Variants in CD22 observed in about 807,000 individuals in gnomAD.
CD22 encodes the protein B-cell receptor CD22.
CD22 carries 51 observed loss-of-function variants against 94.7 expected under a neutral mutation model. That is an observed-to-expected ratio of 0.54 (90% CI 0.43 to 0.68). CD22 has a LOEUF of 0.68. Among genes scored for constraint, CD22 ranks in the 30% least tolerant of loss-of-function variants. The probability of loss-of-function intolerance (pLI) is 0.00; values close to 1 mark genes in which losing one functional copy is unlikely to be tolerated. For missense variants in CD22, 931 were observed against 1,060.4 expected, an observed-to-expected ratio of 0.88 and a Z score of 1.69; for synonymous variants, 424 against 422.5, an observed-to-expected ratio of 1.00 and a Z score of -0.04.
chr19:35,334,345 C>T (rs753256841), intron 3 of CD22, among the ~76,000 whole-genome samples: 4 of 151,896 alleles, frequency 2.6e-5, no homozygotes, highest in Non-Finnish European at 5.9e-5. Flanking sequence ...TTACCTGCTA[C>T]TGAAATGACC....
Position 35,347,081 on chromosome 19 carries a change from T to C in CD22, c.*384T>C, listed in dbSNP as rs2066919733. Reference sequence around the variant, plus strand: ...ATCATTTTTCCTTCCCTTCTCCATCTCTCTGGCCCTCTACCCCTGATCTGA... The same window carrying C: ...ATCATTTTTCCTTCCCTTCTCCATCCCTCTGGCCCTCTACCCCTGATCTGA... On this transcript the variant is annotated 3_prime_UTR_variant, in exon 14 of 14. Coordinates refer to ENST00000085219, the MANE Select transcript of CD22 (RefSeq NM_001771.4). 2.2e-5 allele frequency: 4 copies of C among 181,378 alleles called. No individual in the cohort carries two copies. Among genetic ancestry groups the C allele is most frequent in the Admixed American group, 5.6e-5 (1 of 17,916 alleles). The allele number at this position is 181,378 out of a possible 1,614,324, so 11.2% of individuals were successfully genotyped here.
Position 35,341,931 on chromosome 19 carries a change from G to T in CD22, c.2001G>T (p.Lys667Asn), listed in dbSNP as rs757010995. ...GCCAGGGGACCAACAGTGTGGGCAA[G>T]GGCCGTTCGCCTCTCAGCACCCTCA... ...YWCQGTNSVG[K>N]GRSPLSTLTV... The change falls in exon 9 of 14, where the codon AAG becomes AAT. Residue 667 changes from lysine to asparagine, a missense_variant. Physicochemically the swap from Lys to Asn is moderately conservative, Grantham distance 94. Transcript: ENST00000085219. The surrounding 1 kb of genome is among the most constrained non-coding windows in gnomAD (Gnocchi z 4.0). 2 of 1,613,788 alleles carry T rather than the reference G, an allele frequency of 1.2e-6. No homozygotes were observed. The highest frequency in any genetic ancestry group is 1.3e-5 in the African/African-American group (1 of 74,958).
intron 13 of CD22, 25 bp downstream of exon 13, chr19:35,346,260 C>A: frequency 6.3e-7 from 1 of 1,591,402 alleles, no homozygotes; most frequent in Non-Finnish European, 8.6e-7. Flanking sequence ...CCCAGGTCTC[C>A]CCAGAGGGGC....
At chr19:35,346,473 C>A (rs1004220590) in intron 13 of CD22, 93 bp from the exon 14 acceptor site, 6 of 1,513,174 alleles carry the variant, frequency 4.0e-6, no homozygotes, top group South Asian at 2.4e-5. Context: ...GGCTTTTGGA[C>A]CCCCGGGTGG....
At chr19:35,339,058 G>C (rs954849894) in intron 6 of CD22, among the ~76,000 whole-genome samples, 1 of 151,624 alleles carries the variant, frequency 6.6e-6, no homozygotes, top group Non-Finnish European at 1.5e-5. Context: ...CACACAGCGA[G>C]ATACCATCTC....
intron 12 of CD22, 96 bp from the exon 13 acceptor site, chr19:35,346,055 G>A (rs1292229609): frequency 6.6e-5 from 60 of 914,076 alleles, no homozygotes; most frequent in Non-Finnish European, 1.0e-4. Flanking sequence ...ATAAGGGGCT[G>A]AGGTTGGGGT....
rs1305249051 is a variant in CD22 at position 35,329,248 on chromosome 19, T to C, written c.-23+18T>C. ...GGAAACAGGTAAAAATCATTTTGCT[T>C]TTATTTTGCATTCAACAAGCAAGTT... On this transcript the variant is annotated intron_variant, in intron 1 of 13. Transcript: ENST00000085219. The C allele has an allele frequency of 7.8e-7, 1 of 1,287,894 alleles. No homozygotes were observed. The highest frequency in any genetic ancestry group is 1.2e-5 in the South Asian group (1 of 80,986). The allele number at this position is 1,287,894 out of a possible 1,614,324, so 79.8% of individuals were successfully genotyped here.
rs2066895624 is a variant in CD22, at chr19:35,345,687, T to G, written c.2294T>G (p.Leu765Arg). Reference protein sequence around the residue: ...MMEDGISYTTLRFPEMNIPRT... With the variant: ...MMEDGISYTTRRFPEMNIPRT... ...GAAGATGGCATTAGCTACACCACCC[T>G]GCGCTTTCCCGAGATGAACATACCA... Residue 765 changes from leucine to arginine, a missense_variant, in exon 12 of 14, where the codon CTG becomes CGG. Transcript: ENST00000085219. The G allele has an allele frequency of 1.2e-6, 2 of 1,613,586 alleles. No individual in the cohort carries two copies.
chr19:35,342,090 C>T, intron 9 of CD22, 125 bp downstream of exon 9: 1 of 857,664 alleles, frequency 1.2e-6, no homozygotes, highest in East Asian at 2.6e-5. Context: ...TCCTCTTCTT[C>T]CCCTCCTCCT....
rs368878875 is a variant in CD22, at chr19:35,345,667, T to C, written c.2274T>C (p.Asp758=). 36 of 1,613,914 alleles carry C rather than the reference T, an allele frequency of 2.2e-5. No individual in the cohort carries two copies. The African/African-American group carries it at 3.2e-4, about 14-fold the overall frequency. Residue 758 remains aspartate, a synonymous_variant, in exon 12 of 14, where the codon GAT becomes GAC. Transcript: ENST00000085219. ...GATGCTACAATCCAATGATGGAAGA[T>C]GGCATTAGCTACACCACCCTGCGCT... The part of the protein sequence containing the change: ...SLGCYNPMME[D]GISYTTLRFP...
intron 6 of CD22, among the ~76,000 whole-genome samples, chr19:35,339,689 C>A (rs558845043): frequency 8.5e-4 from 130 of 152,252 alleles, no homozygotes; most frequent in African/African-American, 2.9e-3. Context: ...AACCCTGTCT[C>A]TACTAAAAAT....
intron 1 of CD22, among the ~76,000 whole-genome samples, chr19:35,331,440 T>G (rs370792075): frequency 2.0e-5 from 3 of 151,880 alleles, no homozygotes; most frequent in South Asian, 2.1e-4. Context: ...GATGAATGGA[T>G]GGATGGGAAA....
rs568326387 is a variant in CD22, at chr19:35,337,507, C to T, written c.719-248C>T. Among the ~76,000 whole-genome samples, 71 of 152,192 alleles carry T rather than the reference C, an allele frequency of 4.7e-4. No individual in the cohort carries two copies. The highest frequency in any genetic ancestry group is 7.4e-4 in the Non-Finnish European group (50 of 68,008). ...GGGATTCTATGCAAAGCACAGAACC[C>T]GCTCGTGGTTTCCAGCAGGATTGGC... On this transcript the variant is annotated intron_variant, in intron 4 of 13. Transcript: ENST00000085219. This position sits in a 1 kb window ranked among gnomAD's most constrained non-coding sequence, Gnocchi z 4.4.
chr19:35,337,526 G>A lies in CD22; in HGVS notation c.719-229G>A, dbSNP rs2066742641. ...AGAACCCGCTCGTGGTTTCCAGCAG[G>A]ATTGGCGAGGTCTGGTAGATGGTGT... is the stretch of plus-strand genomic sequence containing the variant. On this transcript the variant is annotated intron_variant, in intron 4 of 13. Coordinates refer to ENST00000085219, the MANE Select transcript of CD22 (RefSeq NM_001771.4). This position sits in a 1 kb window ranked among gnomAD's most constrained non-coding sequence, Gnocchi z 4.4. Among the ~76,000 whole-genome samples, 1 of 152,194 alleles carries A rather than the reference G, an allele frequency of 6.6e-6. No homozygotes were observed. Among genetic ancestry groups the A allele is most frequent in the Non-Finnish European group, 1.5e-5 (1 of 68,048 alleles).
At position 35,346,768 on chromosome 19, in the gene CD22, C is replaced by G; in HGVS notation, c.*71C>G. ...GGAAGTCCCCGAGTTTCCCCAGACA[C>G]CGCCACATGGCTTCCTCCTGCGCGC... On this transcript the variant is annotated 3_prime_UTR_variant, in exon 14 of 14. Coordinates refer to ENST00000085219, the MANE Select transcript of CD22 (RefSeq NM_001771.4). 6.9e-7 allele frequency: 1 copy of G among 1,445,496 alleles called. No homozygotes were observed. The highest frequency in any genetic ancestry group is 9.4e-7 in the Non-Finnish European group (1 of 1,068,646). The allele number at this position is 1,445,496 out of a possible 1,614,324, so 89.5% of individuals were successfully genotyped here.
chr19:35,343,270 G>T (rs2066846177), intron 9 of CD22, among the ~76,000 whole-genome samples: 1 of 151,942 alleles, frequency 6.6e-6, no homozygotes, highest in African/African-American at 2.4e-5. Flanking sequence ...CAAGCACCTG[G>T]TAAAAAAATA....
At chr19:35,338,819 C>T (rs527640592) in intron 6 of CD22, among the ~76,000 whole-genome samples, 150 of 152,026 alleles carry the variant, frequency 9.9e-4, no homozygotes, top group Non-Finnish European at 1.8e-3. Context: ...TTAGTAGAGA[C>T]GGGGTTTCAC....
At chr19:35,332,297 C>A in intron 2 of CD22, 2 of 642,272 alleles carry the variant, frequency 3.1e-6, no homozygotes, top group Non-Finnish European at 5.3e-6. Context: ...CCACTATCTT[C>A]AGAGGGAATT....
intron 3 of CD22, among the ~76,000 whole-genome samples, chr19:35,334,524 T>C (rs2066690954): frequency 6.6e-6 from 1 of 152,140 alleles, no homozygotes; most frequent in Non-Finnish European, 1.5e-5. Context: ...ACAGGGAGTG[T>C]GGTCACTCCG....
Sources: gnomAD v4.1 joint callset for allele counts (sites outside exome capture counted in the v4.1 genomes callset) on GRCh38, gnomAD v4.1.1 for gene constraint, Gnocchi (gnomAD v3.1) non-coding constraint, MANE v1.5 for transcripts, NCBI Gene and HGNC (gene_info 2026-07-23, HGNC 2026-07-21) for gene names.